The following SLC14A2 variants were observed in gnomAD, a reference collection of about 807,000 sequenced individuals.
The protein encoded by SLC14A2 is solute carrier family 14 member 2.
In SLC14A2, 91 loss-of-function variants were observed where a neutral mutation model predicts 104.6. The observed-to-expected ratio is 0.87, with a 90% CI of 0.73 to 1.04. The LOEUF is 1.04. SLC14A2 is among the 50% of genes least tolerant of loss of function. The pLI is 0.00. For missense variants in SLC14A2, 1,189 were observed against 1,156.0 expected (o/e 1.03, Z -0.41); for synonymous variants, 476 against 466.4 (o/e 1.02, Z -0.27).
chr18:45,570,845 G>GTC (rs1410067116), intron 2 of SLC14A2, among the ~76,000 whole-genome samples: 1 of 151,922 alleles, frequency 6.6e-6, no homozygotes, highest in Non-Finnish European at 1.5e-5. Context: ...AATTTATTGT[G>GTC]TCTCTCTCCA....
At chr18:45,318,465 C>A (rs2085152003) in intron 1 of SLC14A2, among the ~76,000 whole-genome samples, 1 of 152,132 alleles carries the variant, frequency 6.6e-6, no homozygotes, top group Admixed American at 6.5e-5. Flanking sequence ...TGTGAAAGTT[C>A]TTTATATATA....
At position 45,260,132 on chromosome 18, in the gene SLC14A2, A is replaced by G. The variant is rs2084520924; in HGVS notation, c.-125+46941A>G. On this transcript the variant is annotated intron_variant, in intron 1 of 20. Coordinates refer to the SLC14A2 transcript ENST00000586448. ...TGACAAGTTAGCCTGAAGCAAAATC[A>G]CGAAATAGGAGAACATTGGCTTTAG... 2.0e-5 allele frequency among the ~76,000 whole-genome samples: 3 copies of G among 152,236 alleles called. No homozygotes were observed. The South Asian group carries it at 6.2e-4, about 32-fold the overall frequency.
At chr18:45,467,160 G>A (rs1327543410) in intron 1 of SLC14A2, among the ~76,000 whole-genome samples, 7 of 152,086 alleles carry the variant, frequency 4.6e-5, no homozygotes, top group African/African-American at 1.7e-4. Context: ...AACAGAAAGG[G>A]ATTATATTAG....
intron 1 of SLC14A2, among the ~76,000 whole-genome samples, chr18:45,317,534 A>T (rs777274195): frequency 7.2e-5 from 11 of 152,352 alleles, no homozygotes; most frequent in African/African-American, 2.4e-4. Flanking sequence ...AGGTCAGAGA[A>T]GGCCTCCCTT....
At chr18:45,509,753 C>A (rs1356890172) in intron 2 of SLC14A2, among the ~76,000 whole-genome samples, 2 of 152,200 alleles carry the variant, frequency 1.3e-5, no homozygotes, top group Non-Finnish European at 2.9e-5. Context: ...GGGGCCAAAG[C>A]CCTTGAGAAG....
At chr18:45,173,293 A>G in the SLC14A2 span, among the ~76,000 whole-genome samples, 27,144 of 152,092 alleles carry the variant, frequency 0.18, 2,819 homozygotes, top group Middle Eastern at 0.27. Context: ...TGATCATTTA[A>G]ATCTAGAAGC....
chr18:45,629,444 T>C (rs1321056739), intron 4 of SLC14A2, among the ~76,000 whole-genome samples: 1 of 152,228 alleles, frequency 6.6e-6, no homozygotes, highest in Non-Finnish European at 1.5e-5. Context: ...CATGGGCAGC[T>C]GGCACAGAAC....
chr18:45,211,323 G>A (rs2143966308), upstream of SLC14A2, among the ~76,000 whole-genome samples: 1 of 152,232 alleles, frequency 6.6e-6, no homozygotes, highest in African/African-American at 2.4e-5. Context: ...TCAGTTCTTA[G>A]CACATTATTC....
intron 16 of SLC14A2, among the ~76,000 whole-genome samples, chr18:45,671,650 T>TAA (rs1208782710): frequency 6.6e-6 from 1 of 152,110 alleles, no homozygotes; most frequent in Non-Finnish European, 1.5e-5. Context: ...CTGCCCTGGG[T>TAA]AACAGGAGAC....
chr18:45,267,918 G>C (rs1568128097), intron 1 of SLC14A2, among the ~76,000 whole-genome samples: 1 of 152,148 alleles, frequency 6.6e-6, no homozygotes, highest in Non-Finnish European at 1.5e-5. Flanking sequence ...ACTAAAGGAT[G>C]TGCCTGTTTT....
intron 1 of SLC14A2, among the ~76,000 whole-genome samples, chr18:45,410,712 C>T (rs1568188112): frequency 6.6e-6 from 1 of 152,140 alleles, no homozygotes; most frequent in Non-Finnish European, 1.5e-5. Flanking sequence ...AATCAATAAT[C>T]CAGTGTTTCC....
At chr18:45,335,257 G>A (rs1010027436) in intron 1 of SLC14A2, among the ~76,000 whole-genome samples, 6 of 152,042 alleles carry the variant, frequency 3.9e-5, no homozygotes, top group East Asian at 3.9e-4. Context: ...CTAGAGTTTC[G>A]TATAAATGGA....
In SLC14A2 at chr18:45,509,903, AGAACCT is replaced by A. The variant is rs562692393; in HGVS notation, c.-35+26584_-35+26589del. ...AAAGGAACATTGCTGGTTCCATGTT[AGAACCT>A]GAGAGACCTTGGAGAGGATCCCATC... On this transcript the variant is annotated intron_variant, in intron 2 of 20. Coordinates refer to the SLC14A2 transcript ENST00000586448. Among the ~76,000 whole-genome samples the A allele has an allele frequency of 3.7e-3, 557 of 152,350 alleles. 3 individuals are homozygous for A. The highest frequency in any genetic ancestry group is 0.013 in the African/African-American group (532 of 41,584).
At chr18:45,322,162 C>T (rs2085191669) in intron 1 of SLC14A2, among the ~76,000 whole-genome samples, 1 of 152,178 alleles carries the variant, frequency 6.6e-6, no homozygotes, top group Non-Finnish European at 1.5e-5. Context: ...CAAATACTTT[C>T]ATCTTATTCA....
Position 45,637,072 on chromosome 18 carries a change from A to T in SLC14A2, c.733A>T (p.Thr245Ser). ...CACTCTGCCCTTCAACATTGCAGTC[A>T]CCTTGTACCTTGCAGCCACAGGCCA... ...VFTLPFNIAV[T>S]LYLAATGHYN... The change falls in exon 6 of 20, where the codon ACC becomes TCC. Residue 245 changes from threonine to serine, a missense_variant. Thr to Ser is a moderately conservative substitution (Grantham distance 58). Coordinates refer to ENST00000255226, the MANE Select transcript of SLC14A2 (RefSeq NM_007163.4). The T allele has an allele frequency of 6.2e-7, 1 of 1,614,164 alleles. No individual in the cohort carries two copies. The highest frequency in any genetic ancestry group is 1.1e-5 in the South Asian group (1 of 91,086).
chr18:45,341,845 C>T (rs1302478921), intron 1 of SLC14A2, among the ~76,000 whole-genome samples: 1 of 152,028 alleles, frequency 6.6e-6, no homozygotes, highest in Non-Finnish European at 1.5e-5. Context: ...CCCTTTGCCT[C>T]CCAAAGTGCT....
At chr18:45,474,309 G>A (rs1197489027) in intron 1 of SLC14A2, among the ~76,000 whole-genome samples, 2 of 152,164 alleles carry the variant, frequency 1.3e-5, no homozygotes, top group African/African-American at 2.4e-5. Flanking sequence ...TTGCATCAAT[G>A]TTCATCAGGG....
intron 2 of SLC14A2, among the ~76,000 whole-genome samples, chr18:45,589,491 A>C (rs1367556377): frequency 1.3e-5 from 2 of 152,088 alleles, no homozygotes; most frequent in Non-Finnish European, 2.9e-5. Flanking sequence ...TTCCATATGG[A>C]ATTCTCATAG....
intron 1 of SLC14A2, among the ~76,000 whole-genome samples, chr18:45,292,750 A>C (rs1318083950): frequency 1.3e-5 from 2 of 152,192 alleles, no homozygotes; most frequent in Admixed American, 1.3e-4. Flanking sequence ...AACAATTAGA[A>C]ACCATTGACA....
Sources: gnomAD v4.1 joint callset for allele counts (sites outside exome capture counted in the v4.1 genomes callset) on GRCh38, gnomAD v4.1.1 for gene constraint, MANE v1.5 for transcripts, NCBI Gene and HGNC (gene_info 2026-07-23, HGNC 2026-07-21) for gene names.